The following PPP1R9A variants were observed in gnomAD, a reference collection of about 807,000 sequenced individuals.
PPP1R9A encodes neurabin-1.
Under a neutral mutation model 141.9 loss-of-function variants are expected in PPP1R9A, and 59 were observed. The ratio of observed to expected loss-of-function variants is 0.42; its 90% CI spans 0.34 to 0.52. The LOEUF (loss-of-function observed/expected upper bound fraction) is 0.52, where lower values mean the gene tolerates loss of function less well. Ranked by LOEUF, PPP1R9A falls within the 20% of genes least tolerant of loss-of-function variation. PPP1R9A has a pLI of 0.10. For synonymous variants in PPP1R9A, 500 were observed against 569.7 expected (o/e 0.88, Z 1.74); for missense variants, 1,444 against 1,611.9 (o/e 0.90, Z 1.78).
intron 4 of PPP1R9A, among the ~76,000 whole-genome samples, chr7:95,138,082 G>A (rs1826001186): frequency 1.3e-5 from 2 of 151,842 alleles, no homozygotes; most frequent in African/African-American, 4.8e-5. Flanking sequence ...AAAGGTGCCC[G>A]CCATCACACC....
intron 12 of PPP1R9A, among the ~76,000 whole-genome samples, chr7:95,252,446 G>A (rs955791012): frequency 2.0e-5 from 3 of 146,940 alleles, no homozygotes; most frequent in African/African-American, 7.6e-5. Context: ...CACTACTTAT[G>A]TGTTAATGAC....
chr7:95,136,717 T>C (rs1332778490), intron 4 of PPP1R9A, among the ~76,000 whole-genome samples: 2 of 152,230 alleles, frequency 1.3e-5, no homozygotes, highest in African/African-American at 4.8e-5. Flanking sequence ...TCCTAACTTT[T>C]GTTCCATCCA....
At chr7:95,061,057 C>G (rs1812160373) in intron 2 of PPP1R9A, among the ~76,000 whole-genome samples, 1 of 152,160 alleles carries the variant, frequency 6.6e-6, no homozygotes, top group Non-Finnish European at 1.5e-5. Context: ...AACATTACCT[C>G]TGACCCTGTA....
chr7:95,086,002 G>A (rs942889556), intron 2 of PPP1R9A, among the ~76,000 whole-genome samples: 1 of 151,520 alleles, frequency 6.6e-6, no homozygotes, highest in Admixed American at 6.6e-5. Context: ...ATAATTTAAT[G>A]TGTTTTTTTT....
chr7:95,080,662 A>C (rs139347058), intron 2 of PPP1R9A, among the ~76,000 whole-genome samples: 216 of 152,334 alleles, frequency 1.4e-3, no homozygotes, highest in African/African-American at 5.1e-3. Context: ...ACAAAGCTGG[A>C]GGCATCACGC....
chr7:94,945,774 G>A (rs373051612), intron 2 of PPP1R9A, among the ~76,000 whole-genome samples: 3 of 151,890 alleles, frequency 2.0e-5, no homozygotes, highest in East Asian at 1.9e-4. Flanking sequence ...TGCCCAAAGC[G>A]GGATAGAAAC....
At chr7:95,067,201 T>C (rs2152116793) in intron 2 of PPP1R9A, among the ~76,000 whole-genome samples, 1 of 152,236 alleles carries the variant, frequency 6.6e-6, no homozygotes, top group South Asian at 2.1e-4. Flanking sequence ...TACCATGAAA[T>C]TCAGGGAATT....
intron 5 of PPP1R9A, among the ~76,000 whole-genome samples, chr7:95,180,827 C>G (rs1166234316): frequency 6.6e-6 from 1 of 152,032 alleles, no homozygotes; most frequent in Non-Finnish European, 1.5e-5. Context: ...TGTGATACCA[C>G]CTTACTCCTG....
intron 2 of PPP1R9A, among the ~76,000 whole-genome samples, chr7:94,915,793 C>T (rs1467721085): frequency 6.6e-6 from 1 of 152,148 alleles, no homozygotes; most frequent in Non-Finnish European, 1.5e-5. Flanking sequence ...AGCCAAGACT[C>T]CATAGACTAA....
At chr7:95,272,337 C>G (rs964831758) in intron 14 of PPP1R9A, among the ~76,000 whole-genome samples, 6 of 152,170 alleles carry the variant, frequency 3.9e-5, no homozygotes, top group Admixed American at 2.6e-4. Context: ...AAATTTAAAT[C>G]TTGCTTTTAA....
intron 5 of PPP1R9A, among the ~76,000 whole-genome samples, chr7:95,181,294 A>G (rs932931049): frequency 1.6e-4 from 23 of 142,918 alleles, no homozygotes; most frequent in African/African-American, 5.1e-4. Flanking sequence ...CATCATATAT[A>G]TAGAATAGAG....
At chr7:95,186,480 C>T (rs1331721994) in intron 5 of PPP1R9A, among the ~76,000 whole-genome samples, 1 of 152,112 alleles carries the variant, frequency 6.6e-6, no homozygotes, top group Non-Finnish European at 1.5e-5. Context: ...GTTTGACTTC[C>T]TCTTTACCAA....
chr7:95,269,111 A>G (rs927447034), intron 13 of PPP1R9A, 96 bp from the exon 14 acceptor site: 13 of 1,207,148 alleles, frequency 1.1e-5, no homozygotes, highest in Non-Finnish European at 1.5e-5. Context: ...TTTCATGGGG[A>G]TTCACTAATA....
At chr7:95,054,622 G>A (rs1031105162) in intron 2 of PPP1R9A, among the ~76,000 whole-genome samples, 12 of 151,958 alleles carry the variant, frequency 7.9e-5, no homozygotes, top group African/African-American at 2.4e-4. Context: ...GGCCCTATGC[G>A]TCCTGGCTCC....
intron 2 of PPP1R9A, among the ~76,000 whole-genome samples, chr7:94,985,302 G>A (rs922017847): frequency 6.6e-6 from 1 of 152,194 alleles, no homozygotes; most frequent in Non-Finnish European, 1.5e-5. Context: ...ATATTTTGTT[G>A]ATTTGGGGTG....
Position 94,909,986 on chromosome 7 carries a change from G to T in PPP1R9A, c.-128G>T. 2 of 737,432 alleles carry T rather than the reference G, an allele frequency of 2.7e-6. No homozygotes were observed. Among genetic ancestry groups the T allele is most frequent in the Non-Finnish European group, 4.4e-6 (2 of 453,876 alleles). 45.7% of individuals were successfully genotyped at this position (737,432 alleles called of 1,614,324 possible). On this transcript the variant is annotated 5_prime_UTR_variant, in exon 2 of 20. Transcript: ENST00000433360. Reference sequence around the variant, plus strand: ...TAATACACCTGTTGGGACGATCACTGACACCGTATACCATTTGAGAGGTAC... The same window carrying T: ...TAATACACCTGTTGGGACGATCACTTACACCGTATACCATTTGAGAGGTAC...
At chr7:95,183,703 T>C (rs1009543587) in intron 5 of PPP1R9A, among the ~76,000 whole-genome samples, 5 of 151,898 alleles carry the variant, frequency 3.3e-5, no homozygotes, top group African/African-American at 1.2e-4. Flanking sequence ...CGCCTCGGGC[T>C]CCCAAAGTGC....
chr7:95,032,708 A>G lies in PPP1R9A; in HGVS notation c.1396-78551A>G, dbSNP rs1308059103. Reference sequence around the variant, plus strand: ...GCTATATAGCCTGTGTTGTCTGGAAAATTGTCACTGAGTTCTTTTAGTACA... The same window carrying G: ...GCTATATAGCCTGTGTTGTCTGGAAGATTGTCACTGAGTTCTTTTAGTACA... On this transcript the variant is annotated intron_variant, in intron 2 of 19. Transcript: ENST00000433360. 2.6e-5 allele frequency among the ~76,000 whole-genome samples: 4 copies of G among 152,290 alleles called. No homozygotes were observed. In the South Asian group the frequency reaches 8.3e-4, roughly 32 times the overall value.
chr7:94,926,291 A>G (rs531398622), intron 2 of PPP1R9A, among the ~76,000 whole-genome samples: 2 of 152,280 alleles, frequency 1.3e-5, no homozygotes, highest in African/African-American at 2.4e-5. Context: ...GGAAATCTCA[A>G]TCTATTGCCC....
Sources: gnomAD v4.1 joint callset for allele counts (sites outside exome capture counted in the v4.1 genomes callset) on GRCh38, gnomAD v4.1.1 for gene constraint, MANE v1.5 for transcripts, NCBI Gene and HGNC (gene_info 2026-07-23, HGNC 2026-07-21) for gene names.